Variants in PRPSAP1 observed in about 807,000 individuals in gnomAD.
PRPSAP1 encodes phosphoribosyl pyrophosphate synthetase associated protein 1.
A neutral mutation model predicts 39.4 loss-of-function variants in PRPSAP1; 31 were observed. The ratio of observed to expected loss-of-function variants is 0.79; its 90% CI spans 0.59 to 1.06. The LOEUF (loss-of-function observed/expected upper bound fraction) is 1.06. Ranked by LOEUF, PRPSAP1 falls within the 50% of genes least tolerant of loss-of-function variation. The probability of loss-of-function intolerance (pLI) is 0.00; values close to 1 mark genes in which losing one functional copy is unlikely to be tolerated. For synonymous variants in PRPSAP1, 212 were observed against 192.6 expected (o/e 1.10, Z -0.83); for missense variants, 430 against 511.6 (o/e 0.84, Z 1.54).
Position 76,353,737 on chromosome 17 carries a change from G to C in PRPSAP1, c.-34C>G, listed in dbSNP as rs1167075246. 7.0e-7 allele frequency: 1 copy of C among 1,431,226 alleles called. No homozygotes were observed. Among genetic ancestry groups the C allele is most frequent in the Non-Finnish European group, 9.1e-7 (1 of 1,102,200 alleles). The allele number at this position is 1,431,226 out of a possible 1,614,324, so 88.7% of individuals were successfully genotyped here. ...CCGCGGCGCGGTTACGACCGGCCCC[G>C]CGCGGGGCTGCACTCTGAGTGCTTC... is the stretch of plus-strand genomic sequence containing the variant. On this transcript the variant is annotated 5_prime_UTR_variant, in exon 1 of 10. Transcript: ENST00000446526.
intron 7 of PRPSAP1, among the ~76,000 whole-genome samples, chr17:76,321,387 G>C (rs369826346): frequency 6.6e-6 from 1 of 151,782 alleles, no homozygotes; most frequent in South Asian, 2.1e-4. Context: ...AAACCCCGTC[G>C]TTACTAAAAA....
rs377679346 is a variant in PRPSAP1 at position 76,348,534 on chromosome 17, T to C, written c.218A>G (p.Asn73Ser). The change falls in exon 2 of 10, where the codon AAT (asparagine) becomes AGT (serine). Residue 73 changes from asparagine (N) to serine (S), a missense_variant. Coordinates refer to ENST00000446526, the MANE Select transcript of PRPSAP1 (RefSeq NM_002766.3). ...LGKSVVYQET[N>S]GETRVEIKES... ...AAGAAATAATTTTAACTTACCTCCA[T>C]TGGTCTCTTGATATACAACAGACTT... The C allele has an allele frequency of 4.8e-6, 7 of 1,472,398 alleles. No individual in the cohort carries two copies. Among genetic ancestry groups the C allele is most frequent in the African/African-American group, 1.5e-5 (1 of 68,116 alleles). The allele number at this position is 1,472,398 out of a possible 1,614,324, so 91.2% of individuals were successfully genotyped here.
chr17:76,336,296 G>C (rs1434260634), intron 3 of PRPSAP1, among the ~76,000 whole-genome samples: 1 of 152,022 alleles, frequency 6.6e-6, no homozygotes, highest in Non-Finnish European at 1.5e-5. Context: ...AACTTAGCCG[G>C]GCATGGTTGC....
At chr17:76,348,980 T>A (rs2071539812) in intron 1 of PRPSAP1, among the ~76,000 whole-genome samples, 2 of 152,308 alleles carry the variant, frequency 1.3e-5, no homozygotes, top group African/African-American at 4.8e-5. Flanking sequence ...GTGGTGTGGA[T>A]CTTGTTTGGA....
chr17:76,315,116 G>A (rs1186366226), intron 7 of PRPSAP1, among the ~76,000 whole-genome samples: 1 of 152,138 alleles, frequency 6.6e-6, no homozygotes, highest in Non-Finnish European at 1.5e-5. Flanking sequence ...TTTAATTGGT[G>A]CTTAAAGTAG....
At chr17:76,324,599 T>C (rs2071232077) in intron 7 of PRPSAP1, among the ~76,000 whole-genome samples, 2 of 127,642 alleles carry the variant, frequency 1.6e-5, no homozygotes, top group Admixed American at 1.6e-4. Flanking sequence ...GAAAACTCCA[T>C]CTCAAAAAAA....
chr17:76,331,247 G>T (rs2071319039), intron 4 of PRPSAP1, among the ~76,000 whole-genome samples: 1 of 152,172 alleles, frequency 6.6e-6, no homozygotes, highest in Non-Finnish European at 1.5e-5. Flanking sequence ...TAAACACATT[G>T]CAAATGGTCA....
intron 4 of PRPSAP1, among the ~76,000 whole-genome samples, chr17:76,331,484 AAG>A: frequency 6.6e-6 from 1 of 152,326 alleles, no homozygotes. Flanking sequence ...TTCCCTAAAC[AAG>A]ACAGCATAAC....
intron 3 of PRPSAP1, among the ~76,000 whole-genome samples, chr17:76,339,234 G>A (rs569729537): frequency 4.0e-5 from 6 of 151,050 alleles, no homozygotes; most frequent in Admixed American, 6.6e-5. Flanking sequence ...GTGAAACCCC[G>A]TCTCTACTAA....
At chr17:76,333,784 T>C (rs984416107) in intron 3 of PRPSAP1, among the ~76,000 whole-genome samples, 1 of 152,182 alleles carries the variant, frequency 6.6e-6, no homozygotes, top group African/African-American at 2.4e-5. Context: ...GGAAAGGCAA[T>C]TTCCAATGAT....
At chr17:76,317,574 G>A (rs1421980492) in intron 7 of PRPSAP1, among the ~76,000 whole-genome samples, 1 of 152,144 alleles carries the variant, frequency 6.6e-6, no homozygotes, top group Non-Finnish European at 1.5e-5. Flanking sequence ...GTCTTCTGTA[G>A]AACAGAAATG....
intron 3 of PRPSAP1, among the ~76,000 whole-genome samples, chr17:76,341,092 A>G (rs1270785288): frequency 6.6e-6 from 1 of 152,138 alleles, no homozygotes; most frequent in African/African-American, 2.4e-5. Flanking sequence ...AAAGATGCCA[A>G]GAGCACAGCT....
At chr17:76,316,730 C>T (rs976401474) in intron 7 of PRPSAP1, among the ~76,000 whole-genome samples, 1 of 152,222 alleles carries the variant, frequency 6.6e-6, no homozygotes, top group African/African-American at 2.4e-5. Context: ...GTGAAAACTA[C>T]ATCAGCTGCA....
rs977533265 is a variant in PRPSAP1, at chr17:76,330,308, T to C, written c.580-210A>G. The C allele has an allele frequency of 8.3e-6, 5 of 599,254 alleles. No individual in the cohort carries two copies. In the Admixed American group the frequency reaches 1.6e-4, roughly 19 times the overall value. The allele number at this position is 599,254 out of a possible 1,614,324, so 37.1% of individuals were successfully genotyped here. The stretch of plus-strand genomic sequence containing the variant: ...TCAAGAATTTTTTAAAAATAATTCT[T>C]AAAACATTCATTTTAGAAAACATAA... On this transcript the variant is annotated intron_variant, in intron 5 of 9. Coordinates refer to ENST00000446526, the MANE Select transcript of PRPSAP1 (RefSeq NM_002766.3).
chr17:76,313,636 G>T, intron 8 of PRPSAP1, 185 bp downstream of exon 8: 1 of 604,858 alleles, frequency 1.7e-6, no homozygotes, highest in Non-Finnish European at 2.9e-6. Flanking sequence ...CTATCTGTAG[G>T]TTATACTTTA....
intron 1 of PRPSAP1, among the ~76,000 whole-genome samples, chr17:76,351,083 T>C (rs1051041209): frequency 6.6e-6 from 1 of 152,070 alleles, no homozygotes; most frequent in Non-Finnish European, 1.5e-5. Context: ...CTTTATGTTA[T>C]GTATATAACA....
At chr17:76,326,054 T>A (rs538545289) in intron 7 of PRPSAP1, among the ~76,000 whole-genome samples, 5 of 152,328 alleles carry the variant, frequency 3.3e-5, no homozygotes, top group African/African-American at 1.2e-4. Flanking sequence ...TGAGACTCAC[T>A]TTATTATAAT....
At chr17:76,324,091 C>T (rs540527367) in intron 7 of PRPSAP1, among the ~76,000 whole-genome samples, 7 of 148,244 alleles carry the variant, frequency 4.7e-5, no homozygotes, top group East Asian at 2.0e-4. Flanking sequence ...TGCAGGGAGC[C>T]GAGATGGTGC....
At chr17:76,312,016 G>T (rs1316194163) in intron 9 of PRPSAP1, among the ~76,000 whole-genome samples, 1 of 152,124 alleles carries the variant, frequency 6.6e-6, no homozygotes, top group Non-Finnish European at 1.5e-5. Flanking sequence ...TGCTCCTAGG[G>T]TGTCAAATTA....
Sources: allele counts gnomAD v4.1 joint callset (sites outside exome capture counted in the v4.1 genomes callset), GRCh38; gene constraint gnomAD v4.1.1; transcripts MANE v1.5; gene names NCBI Gene and HGNC (gene_info 2026-07-23, HGNC 2026-07-21).